The following MTMR7 variants were observed in gnomAD, a reference collection of about 807,000 sequenced individuals.
The protein encoded by MTMR7 is phosphatidylinositol-3-phosphate phosphatase MTMR7.
In MTMR7, 76 loss-of-function variants were observed where a neutral mutation model predicts 81.2. The observed-to-expected ratio is 0.94, with a 90% CI of 0.78 to 1.13. The LOEUF (loss-of-function observed/expected upper bound fraction) is 1.13, where lower values mean the gene tolerates loss of function less well. MTMR7 is among the 50% of genes most tolerant of loss of function. MTMR7 has a pLI of 0.00. For synonymous variants in MTMR7, 372 were observed against 289.8 expected (o/e 1.28, Z -2.88); for missense variants, 1,044 against 820.0 (o/e 1.27, Z -3.34).
At chr8:17,316,146 GA>G (rs1448080234) in intron 7 of MTMR7, among the ~76,000 whole-genome samples, 1 of 152,172 alleles carries the variant, frequency 6.6e-6, no homozygotes, top group Admixed American at 6.5e-5. Flanking sequence ...GGCTTGGGCA[GA>G]TTACTTAGCC....
chr8:17,336,150 A>G (rs762287316), intron 6 of MTMR7, among the ~76,000 whole-genome samples: 2 of 152,098 alleles, frequency 1.3e-5, no homozygotes, highest in Non-Finnish European at 2.9e-5. Flanking sequence ...GGAGGTAGGG[A>G]GTACACATCT....
At chr8:17,411,742 C>A (rs1484622024) in intron 1 of MTMR7, among the ~76,000 whole-genome samples, 1 of 152,184 alleles carries the variant, frequency 6.6e-6, no homozygotes, top group Non-Finnish European at 1.5e-5. Flanking sequence ...ACACTGCTTG[C>A]AACTCAGGTT....
intron 5 of MTMR7, among the ~76,000 whole-genome samples, chr8:17,344,810 G>C (rs1394441097): frequency 1.3e-5 from 2 of 152,136 alleles, no homozygotes; most frequent in African/African-American, 2.4e-5. Context: ...CACATAGGAA[G>C]TTTCAATAAG....
At chr8:17,409,255 T>A (rs1821676922) in intron 1 of MTMR7, among the ~76,000 whole-genome samples, 1 of 152,086 alleles carries the variant, frequency 6.6e-6, no homozygotes, top group Admixed American at 6.5e-5. Context: ...GGTCAGGAGT[T>A]CAAGACCAGT....
rs1408287438 is a variant in MTMR7, at chr8:17,337,368, A to G, written c.732+3995T>C. ...GGCGAGTAAAACTCCGTCCCAAAAA[A>G]AAAAAAAAAAAAAGTGCCTGCCATT... On this transcript the variant is annotated intron_variant, in intron 6 of 13. Transcript: ENST00000180173. 2.0e-5 allele frequency among the ~76,000 whole-genome samples: 3 copies of G among 151,786 alleles called. No individual in the cohort carries two copies. In the East Asian group the frequency reaches 5.8e-4, roughly 29 times the overall value.
chr8:17,387,329 G>C (rs950777208), intron 1 of MTMR7, among the ~76,000 whole-genome samples: 1 of 152,192 alleles, frequency 6.6e-6, no homozygotes, highest in Admixed American at 6.5e-5. Context: ...CAGGTTACGT[G>C]AAGTACGGAG....
chr8:17,413,155 G>A (rs893346826), intron 1 of MTMR7, 114 bp downstream of exon 1: 9 of 1,265,970 alleles, frequency 7.1e-6, no homozygotes, highest in African/African-American at 2.9e-5. Context: ...CTCGCCCGCG[G>A]TCCAGGCTCC....
At chr8:17,313,464 T>G in intron 7 of MTMR7, 63 bp from the exon 8 acceptor site, 2 of 1,066,046 alleles carry the variant, frequency 1.9e-6, no homozygotes, top group Admixed American at 3.8e-5. Context: ...CATATGATCA[T>G]GTTTTATAGG....
Position 17,300,161 on chromosome 8 carries a change from G to C in MTMR7, c.1684C>G (p.Pro562Ala). Residue 562 changes from proline to alanine, a missense_variant, in exon 14 of 14, where the codon CCC becomes GCC. Coordinates refer to ENST00000180173, the MANE Select transcript of MTMR7 (RefSeq NM_004686.5). ...GTAGAAAACCCTGAGTGCTTGCTGG[G>C]CTCACTTTGCTTACTCTTCACCTTA... ...CTKVKSKQSE[P>A]SKHSGFSTSD... 1.2e-6 allele frequency: 2 copies of C among 1,614,034 alleles called. No homozygotes were observed. The highest frequency in any genetic ancestry group is 1.7e-6 in the Non-Finnish European group (2 of 1,179,970).
At chr8:17,364,966 T>A (rs1820181897) in intron 3 of MTMR7, among the ~76,000 whole-genome samples, 1 of 151,962 alleles carries the variant, frequency 6.6e-6, no homozygotes, top group Non-Finnish European at 1.5e-5. Flanking sequence ...ATAATTCTAT[T>A]TTTTGTTTGT....
At chr8:17,398,665 C>G (rs931452064) in intron 1 of MTMR7, among the ~76,000 whole-genome samples, 2 of 152,044 alleles carry the variant, frequency 1.3e-5, no homozygotes, top group African/African-American at 4.8e-5. Flanking sequence ...AAGAACGTCC[C>G]AACCTAAAGA....
chr8:17,323,592 G>T (rs1274957783), intron 7 of MTMR7, among the ~76,000 whole-genome samples: 1 of 152,106 alleles, frequency 6.6e-6, no homozygotes, highest in Non-Finnish European at 1.5e-5. Flanking sequence ...GACTGAGATG[G>T]TGGCTGCCAG....
chr8:17,337,642 G>T (rs951562038), intron 6 of MTMR7, among the ~76,000 whole-genome samples: 3 of 152,070 alleles, frequency 2.0e-5, no homozygotes, highest in South Asian at 2.1e-4. Flanking sequence ...TCGAGACAGG[G>T]TCTCACTCTG....
At chr8:17,320,597 C>A (rs1457801320) in intron 7 of MTMR7, among the ~76,000 whole-genome samples, 1 of 151,288 alleles carries the variant, frequency 6.6e-6, no homozygotes, top group African/African-American at 2.4e-5. Flanking sequence ...AAAAGTCTTC[C>A]TGTGAATTCA....
At chr8:17,374,029 C>T (rs1820498242) in intron 1 of MTMR7, among the ~76,000 whole-genome samples, 1 of 152,172 alleles carries the variant, frequency 6.6e-6, no homozygotes, top group African/African-American at 2.4e-5. Context: ...ACCATAACCA[C>T]CAGAGGAACA....
chr8:17,324,377 T>C (rs1350203516), intron 7 of MTMR7, among the ~76,000 whole-genome samples: 1 of 152,172 alleles, frequency 6.6e-6, no homozygotes, highest in Non-Finnish European at 1.5e-5. Flanking sequence ...GCACTCTCCA[T>C]CTTCAGATTG....
rs1816714599 is a variant in MTMR7 at position 17,297,086 on chromosome 8, C to T, written c.*2776G>A. The T allele has an allele frequency of 6.6e-6, 1 of 152,006 alleles. No individual in the cohort carries two copies. The highest frequency in any genetic ancestry group is 2.1e-4 in the South Asian group (1 of 4,826). 9.4% of individuals were successfully genotyped at this position (152,006 alleles called of 1,614,324 possible). On this transcript the variant is annotated 3_prime_UTR_variant, in exon 14 of 14. Coordinates refer to ENST00000180173, the MANE Select transcript of MTMR7 (RefSeq NM_004686.5). ...ATATATTTTCTTCATAAAAATTGGT[C>T]ACATCGGAGAAGCAGTGCCACAGGA...
intron 6 of MTMR7, among the ~76,000 whole-genome samples, chr8:17,339,840 T>C (rs757127171): frequency 3.3e-5 from 5 of 152,232 alleles, no homozygotes; most frequent in Non-Finnish European, 5.9e-5. Context: ...ACCTTTTCTA[T>C]AGTGAAAAAA....
intron 1 of MTMR7, among the ~76,000 whole-genome samples, chr8:17,374,996 G>T (rs368260174): frequency 6.6e-6 from 1 of 152,160 alleles, no homozygotes; most frequent in Non-Finnish European, 1.5e-5. Context: ...GGCTGCGGCA[G>T]GATAACTGCT....
Sources: allele counts gnomAD v4.1 joint callset (sites outside exome capture counted in the v4.1 genomes callset), GRCh38; gene constraint gnomAD v4.1.1; transcripts MANE v1.5; gene names NCBI Gene and HGNC (gene_info 2026-07-23, HGNC 2026-07-21).